Variants in TLE1 observed in about 807,000 individuals in gnomAD.
TLE1 encodes TLE family member 1, transcriptional corepressor.
In TLE1, 21 loss-of-function variants were observed where a neutral mutation model predicts 89.8. The observed-to-expected ratio is 0.23, with a 90% CI of 0.17 to 0.34. The LOEUF (loss-of-function observed/expected upper bound fraction) is 0.34. Ranked by LOEUF, TLE1 falls within the 10% of genes least tolerant of loss-of-function variation. The pLI is 1.00. For synonymous variants in TLE1, 447 were observed against 407.6 expected (o/e 1.10, Z -1.16); for missense variants, 795 against 1,031.2 (o/e 0.77, Z 3.14).
chr9:81,634,177 G>T lies in TLE1; in HGVS notation c.497C>A (p.Ala166Glu). 6.3e-7 allele frequency: 1 copy of T among 1,597,104 alleles called. No homozygotes were observed. The highest frequency in any genetic ancestry group is 8.5e-7 in the Non-Finnish European group (1 of 1,170,304). ...CTGCCCACTCAGAGCACTAGACAGC[G>T]CAAGAAGGCCGGCACTGCCCCCGAG... ...PPLGGSAGLLALSSALSGQSH... is the reference protein window; with the variant it reads ...PPLGGSAGLLELSSALSGQSH... Residue 166 changes from alanine to glutamate, a missense_variant, in exon 7 of 20, where the codon GCG becomes GAG. By Grantham distance (107) the Ala-to-Glu change is moderately radical. This residue lies in a region of TLE1 where 468 missense variants were observed against 509.1 expected (regional missense o/e 0.92). Transcript: ENST00000376499.
At chr9:81,672,079 G>C (rs1171600850) in intron 4 of TLE1, among the ~76,000 whole-genome samples, 2 of 152,148 alleles carry the variant, frequency 1.3e-5, no homozygotes, top group Non-Finnish European at 2.9e-5. Flanking sequence ...CACTTCTCAA[G>C]CTAAGCAGAA....
chr9:81,629,494 T>A (rs940006942), intron 8 of TLE1, among the ~76,000 whole-genome samples: 1 of 152,204 alleles, frequency 6.6e-6, no homozygotes, highest in African/African-American at 2.4e-5. Flanking sequence ...TTGCTAGCTT[T>A]ATTGTTCATC....
intron 4 of TLE1, among the ~76,000 whole-genome samples, chr9:81,662,361 T>TTGTGTG (rs371936084): frequency 0.09 from 12,427 of 138,216 alleles, 604 homozygotes; most frequent in Non-Finnish European, 0.1. Flanking sequence ...TGTGCCTGTT[T>TTGTGTG]TGTGTGTGTG....
intron 6 of TLE1, among the ~76,000 whole-genome samples, chr9:81,638,452 T>C (rs1588075463): frequency 6.6e-6 from 1 of 152,210 alleles, no homozygotes; most frequent in Non-Finnish European, 1.5e-5. Flanking sequence ...CTCTGTCCCA[T>C]CTGTCTTTGG....
At chr9:81,600,860 G>A (rs185106861) in intron 14 of TLE1, among the ~76,000 whole-genome samples, 2 of 152,292 alleles carry the variant, frequency 1.3e-5, no homozygotes, top group East Asian at 1.9e-4. Flanking sequence ...AAAGTTAGAG[G>A]AGGAGCAAGT....
intron 4 of TLE1, among the ~76,000 whole-genome samples, chr9:81,669,836 A>ACGGTC (rs1477957681): frequency 6.6e-6 from 1 of 152,104 alleles, no homozygotes; most frequent in Non-Finnish European, 1.5e-5. Context: ...CTTTATACCA[A>ACGGTC]CGGTCCCCCT....
At chr9:81,639,634 G>A (rs952721977) in intron 6 of TLE1, among the ~76,000 whole-genome samples, 2 of 145,956 alleles carry the variant, frequency 1.4e-5, no homozygotes, top group Non-Finnish European at 3.0e-5. Flanking sequence ...CCAGGCTGGA[G>A]TGCAGTGGTG....
intron 4 of TLE1, among the ~76,000 whole-genome samples, chr9:81,667,385 C>CAAAA (rs397893862): frequency 6.7e-5 from 6 of 89,840 alleles, no homozygotes; most frequent in Non-Finnish European, 1.1e-4. Context: ...CAGACTGTCT[C>CAAAA]AAAAAAAAAA....
chr9:81,634,061 G>A lies in TLE1; in HGVS notation c.577+36C>T, dbSNP rs1418569071. On this transcript the variant is annotated intron_variant, in intron 7 of 19. Transcript: ENST00000376499. The stretch of plus-strand genomic sequence containing the variant: ...ACTTTGCAGCACTGTAAGAGTATGA[G>A]GACAAAGTCCTAATCTGGCTTGCCC... 13 of 1,579,992 alleles carry A rather than the reference G, an allele frequency of 8.2e-6. No homozygotes were observed. In the African/African-American group the frequency reaches 9.4e-5, roughly 11 times the overall value.
At chr9:81,603,266 G>A (rs1010309840) in intron 14 of TLE1, among the ~76,000 whole-genome samples, 5 of 152,128 alleles carry the variant, frequency 3.3e-5, no homozygotes, top group Admixed American at 6.5e-5. Flanking sequence ...TAATAGCTCC[G>A]TGGTAGCCTC....
chr9:81,603,475 C>T (rs1831217851), intron 14 of TLE1, among the ~76,000 whole-genome samples: 1 of 152,060 alleles, frequency 6.6e-6, no homozygotes, highest in South Asian at 2.1e-4. Context: ...ATAAAATTTC[C>T]CACGAGAAAG....
chr9:81,673,196 C>G (rs1832445858), intron 4 of TLE1, among the ~76,000 whole-genome samples: 1 of 148,882 alleles, frequency 6.7e-6, no homozygotes, highest in Admixed American at 6.8e-5. Context: ...TCGCTTGAAC[C>G]TGGGAGGTGG....
intron 18 of TLE1, among the ~76,000 whole-genome samples, chr9:81,584,830 T>A (rs1828125786): frequency 6.6e-6 from 1 of 152,122 alleles, no homozygotes; most frequent in African/African-American, 2.4e-5. Context: ...TTAGTCAGTC[T>A]CCTCATGATA....
chr9:81,684,905 G>T (rs570067463), intron 4 of TLE1, among the ~76,000 whole-genome samples: 16 of 152,150 alleles, frequency 1.1e-4, no homozygotes, highest in Non-Finnish European at 1.9e-4. Context: ...CAATCATTTA[G>T]CTTTTCTTCT....
intron 6 of TLE1, among the ~76,000 whole-genome samples, chr9:81,644,182 C>T (rs1267441300): frequency 6.6e-6 from 1 of 152,160 alleles, no homozygotes; most frequent in Non-Finnish European, 1.5e-5. Context: ...AACAGTCTGG[C>T]TGTTGCTCAA....
intron 4 of TLE1, among the ~76,000 whole-genome samples, chr9:81,680,913 CAA>C (rs765754457): frequency 1.4e-5 from 2 of 142,924 alleles, no homozygotes; most frequent in Non-Finnish European, 3.0e-5. Context: ...AAACTGTAGA[CAA>C]AAACACACAG....
chr9:81,610,724 C>G (rs1303847928), intron 13 of TLE1, among the ~76,000 whole-genome samples: 1 of 152,054 alleles, frequency 6.6e-6, no homozygotes, highest in Non-Finnish European at 1.5e-5. Flanking sequence ...GTTTATGTGC[C>G]AAGAGGAATC....
intron 8 of TLE1, among the ~76,000 whole-genome samples, chr9:81,630,746 AC>A (rs1275387990): frequency 3.3e-5 from 5 of 152,186 alleles, no homozygotes; most frequent in Non-Finnish European, 5.9e-5. Context: ...AATTCAAACC[AC>A]TTTATTAAAT....
In TLE1 at chr9:81,594,146, T is replaced by C. The variant is rs1016795884; in HGVS notation, c.1332-872A>G. On this transcript the variant is annotated intron_variant, in intron 14 of 19. Coordinates refer to ENST00000376499, the MANE Select transcript of TLE1 (RefSeq NM_005077.5). ...AAAATAAATAGGGAGAGAGCATACT[T>C]GCCCTCTTCTCTTCTTCCTTCCCAC... 2.0e-5 allele frequency among the ~76,000 whole-genome samples: 3 copies of C among 152,280 alleles called. No individual in the cohort carries two copies. In the East Asian group the frequency reaches 5.8e-4, roughly 29 times the overall value.
Sources: allele counts gnomAD v4.1 joint callset (sites outside exome capture counted in the v4.1 genomes callset), GRCh38; gene constraint gnomAD v4.1.1; regional missense constraint gnomAD v4.1.1; transcripts MANE v1.5; gene names NCBI Gene and HGNC (gene_info 2026-07-23, HGNC 2026-07-21).